OGFR: variants seen among roughly 807,000 people sequenced by gnomAD.
OGFR encodes the protein opioid growth factor receptor.
OGFR carries 18 observed loss-of-function variants against 33.6 expected under a neutral mutation model. The observed-to-expected ratio is 0.54, with a 90% CI of 0.37 to 0.80. The LOEUF is 0.80. Ranked by LOEUF, OGFR falls within the 30% of genes least tolerant of loss-of-function variation. The pLI is 0.00. For synonymous variants in OGFR, 370 were observed against 400.7 expected (o/e 0.92, Z 0.91); for missense variants, 877 against 955.8 (o/e 0.92, Z 1.09).
rs1363490724 is a variant in OGFR at position 62,813,315 on chromosome 20, C to G, written c.1700C>G (p.Ala567Gly). The change falls in exon 7 of 7, where the codon GCA becomes GGA. Residue 567 changes from alanine (A) to glycine (G), a missense_variant. Around this residue, in one of 3 missense-constraint regions of OGFR, gnomAD observed 72 missense variants for 181.8 expected, o/e 0.40. Transcript: ENST00000290291. ...TCGGAGACCCCAGGCCCCCGCCCGGCAGGACCTGCAGGGGACGAGCCAGCC... is the reference window on the plus strand; with the variant it reads ...TCGGAGACCCCAGGCCCCCGCCCGGGAGGACCTGCAGGGGACGAGCCAGCC... ...SPSETPGPRPAGPAGDEPAES... is the reference protein window; with the variant it reads ...SPSETPGPRPGGPAGDEPAES... 9 of 1,095,480 alleles carry G rather than the reference C, an allele frequency of 8.2e-6. No individual in the cohort carries two copies. The highest frequency in any genetic ancestry group is 1.2e-5 in the Non-Finnish European group (9 of 778,852). The allele number at this position is 1,095,480 out of a possible 1,614,324, so 67.9% of individuals were successfully genotyped here.
rs773569060 is a variant in OGFR at position 62,812,125 on chromosome 20, G to T, written c.615-105G>T. 4.1e-6 allele frequency: 4 copies of T among 965,870 alleles called. No individual in the cohort carries two copies. In the South Asian group the frequency reaches 7.0e-5, roughly 17 times the overall value. The allele number at this position is 965,870 out of a possible 1,614,324, so 59.8% of individuals were successfully genotyped here. A position where few individuals can be genotyped will look rare whatever the true frequency, so the allele number is the denominator to read the frequency against. ...GAGAGAGACTGAATCGTGGGCCAGG[G>T]TGGGGAGACCTCGTGGAGCCGGGTG... On this transcript the variant is annotated intron_variant, in intron 6 of 6. Transcript: ENST00000290291.
rs766673580 is a variant in OGFR, at chr20:62,811,462, G to T, written c.466G>T (p.Val156Leu). The T allele has an allele frequency of 6.2e-7, 1 of 1,611,072 alleles. No individual in the cohort carries two copies. The highest frequency in any genetic ancestry group is 8.5e-7 in the Non-Finnish European group (1 of 1,179,342). Residue 156 changes from valine to leucine, a missense_variant and splice_region_variant, in exon 6 of 7, where the codon GTG becomes TTG. Physicochemically the swap from Val to Leu is conservative, Grantham distance 32. Coordinates refer to ENST00000290291, the MANE Select transcript of OGFR (RefSeq NM_007346.4). ...AKPLTLREVE[V>L]FKSSQEIQER... ...AGCTCTCCAAGGGGGTCTTTTCCAGGTGTTTAAAAGCTCCCAGGAGATCCA... is the reference window on the plus strand; with the variant it reads ...AGCTCTCCAAGGGGGTCTTTTCCAGTTGTTTAAAAGCTCCCAGGAGATCCA...
chr20:62,809,926 G>A (rs924177080), intron 4 of OGFR, among the ~76,000 whole-genome samples: 2 of 152,248 alleles, frequency 1.3e-5, no homozygotes, highest in Non-Finnish European at 2.9e-5. Flanking sequence ...TGAAACAGGA[G>A]AGGGGGCAGG....
chr20:62,811,474 T>G lies in OGFR; in HGVS notation c.478T>G (p.Ser160Ala). 1.2e-6 allele frequency: 2 copies of G among 1,611,466 alleles called. No individual in the cohort carries two copies. The highest frequency in any genetic ancestry group is 1.7e-6 in the Non-Finnish European group (2 of 1,179,506). ...TLREVEVFKSSQEIQERLVRA... is the reference protein window; with the variant it reads ...TLREVEVFKSAQEIQERLVRA... Reference sequence around the variant, plus strand: ...GGGTCTTTTCCAGGTGTTTAAAAGCTCCCAGGAGATCCAGGAGCGGCTTGT... The same window carrying G: ...GGGTCTTTTCCAGGTGTTTAAAAGCGCCCAGGAGATCCAGGAGCGGCTTGT... The change falls in exon 6 of 7, where the codon TCC becomes GCC. Residue 160 changes from serine to alanine, a missense_variant. Ser to Ala is a moderately conservative substitution (Grantham distance 99). Coordinates refer to ENST00000290291, the MANE Select transcript of OGFR (RefSeq NM_007346.4).
Position 62,804,913 on chromosome 20 carries a change from G to A in OGFR, c.54G>A (p.Glu18=). 1.3e-6 allele frequency: 2 copies of A among 1,496,536 alleles called. No homozygotes were observed. The highest frequency in any genetic ancestry group is 2.5e-5 in the South Asian group (2 of 79,378). 92.7% of individuals were successfully genotyped at this position (1,496,536 alleles called of 1,614,324 possible). The change falls in exon 1 of 7, where the codon GAG becomes GAA. Residue 18 remains glutamate (E), a synonymous_variant. Coordinates refer to ENST00000290291, the MANE Select transcript of OGFR (RefSeq NM_007346.4). ...GGGAGGAGGACGAGGAGGATGCGGA[G>A]GACGCGGAGGACGAGGACTGCGAGG... is the stretch of plus-strand genomic sequence containing the variant. ...STWEEDEEDA[E]DAEDEDCEDG... is the part of the protein sequence containing the mutation.
At position 62,813,065 on chromosome 20, in the gene OGFR, TC is replaced by T; in HGVS notation, c.1454del (p.Pro485LeufsTer229). 1 of 1,582,022 alleles carries T rather than the reference TC, an allele frequency of 6.3e-7. No homozygotes were observed. Among genetic ancestry groups the T allele is most frequent in the Non-Finnish European group, 8.6e-7 (1 of 1,164,110 alleles). ...GGAQTLALAG[S>X]PAPSGHPKAG... ...TGCCCAGACCTTGGCCCTTGCCGGG[TC>T]CCCTGCCCCATCGGGGCACCCCAAG... On this transcript the variant is annotated frameshift_variant, in exon 7 of 7. Coordinates refer to ENST00000290291, the MANE Select transcript of OGFR (RefSeq NM_007346.4). LOFTEE classifies it low-confidence loss of function (END_TRUNC).
chr20:62,807,575 G>A lies in OGFR; in HGVS notation c.210G>A (p.Arg70=), dbSNP rs764284409. The change falls in exon 2 of 7, where the codon AGG becomes AGA. Residue 70 remains arginine (R), a synonymous_variant. Transcript: ENST00000290291. ...MTGSRNWRAT[R]DMCRYRHNYP... is the part of the protein sequence containing the mutation. ...GGTCCAGAAACTGGCGAGCCACGAGGGACATGTGTAGGTATCGGCACAACT... is the reference window on the plus strand; with the variant it reads ...GGTCCAGAAACTGGCGAGCCACGAGAGACATGTGTAGGTATCGGCACAACT... 8 of 1,613,160 alleles carry A rather than the reference G, an allele frequency of 5.0e-6. No homozygotes were observed. The highest frequency in any genetic ancestry group is 6.8e-6 in the Non-Finnish European group (8 of 1,179,872).
Position 62,811,626 on chromosome 20 carries a change from T to TGGCGGGC in OGFR, c.614+16_614+17insGGCGGGC. The TGGCGGGC allele has an allele frequency of 6.7e-7, 1 of 1,502,538 alleles. No homozygotes were observed. The highest frequency in any genetic ancestry group is 1.7e-4 in the Middle Eastern group (1 of 5,718). The allele number at this position is 1,502,538 out of a possible 1,614,324, so 93.1% of individuals were successfully genotyped here. On this transcript the variant is annotated intron_variant, in intron 6 of 6. Coordinates refer to ENST00000290291, the MANE Select transcript of OGFR (RefSeq NM_007346.4). ...ACCTGAACTGGTGAGGCCCGGCTGCTCCCGCCCACCCCCACCCCGGCGCAG... is the reference window on the plus strand; with the variant it reads ...ACCTGAACTGGTGAGGCCCGGCTGCTGGCGGGCCCCGCCCACCCCCACCCCGGCGCAG...
rs911979766 is a variant in OGFR, at chr20:62,812,573, G to A, written c.958G>A (p.Asp320Asn). Residue 320 changes from aspartate to asparagine, a missense_variant, in exon 7 of 7, where the codon GAC becomes AAC. Physicochemically the swap from Asp to Asn is conservative, Grantham distance 23. Coordinates refer to ENST00000290291, the MANE Select transcript of OGFR (RefSeq NM_007346.4). The part of the protein sequence containing the change: ...VEEEGSPGDP[D>N]HEASTQGRTC... ...GGAGGAAGGAAGCCCCGGGGACCCC[G>A]ACCACGAGGCCAGCACCCAGGGTCG... 1.7e-5 allele frequency: 27 copies of A among 1,577,474 alleles called. No individual in the cohort carries two copies. Among genetic ancestry groups the A allele is most frequent in the South Asian group, 4.6e-5 (4 of 86,902 alleles).
intron 4 of OGFR, among the ~76,000 whole-genome samples, chr20:62,809,983 G>A (rs942688406): frequency 4.6e-5 from 7 of 152,356 alleles, no homozygotes; most frequent in African/African-American, 1.7e-4. Context: ...GCCTCAGTGA[G>A]CCTCAAGGGG....
rs1009595386 is a variant in OGFR, at chr20:62,813,056, C to T, written c.1441C>T (p.Leu481Phe). 1.3e-6 allele frequency: 2 copies of T among 1,584,060 alleles called. No individual in the cohort carries two copies. ...CAGTGGTGGTGCCCAGACCTTGGCC[C>T]TTGCCGGGTCCCCTGCCCCATCGGG... ...VASGGAQTLALAGSPAPSGHP... is the reference protein window; with the variant it reads ...VASGGAQTLAFAGSPAPSGHP... Residue 481 changes from leucine to phenylalanine, a missense_variant, in exon 7 of 7, where the codon CTT (leucine) becomes TTT (phenylalanine). Around this residue, in one of 3 missense-constraint regions of OGFR, gnomAD observed 760 missense variants for 736.0 expected, o/e 1.03. Coordinates refer to ENST00000290291, the MANE Select transcript of OGFR (RefSeq NM_007346.4).
chr20:62,810,236 AG>A (rs1381898508), intron 4 of OGFR, among the ~76,000 whole-genome samples: 2 of 152,312 alleles, frequency 1.3e-5, no homozygotes, highest in African/African-American at 4.8e-5. Context: ...GGATGGCTGC[AG>A]GGCCCCTCGC....
At chr20:62,809,521 C>T (rs954124978) in intron 3 of OGFR, 64 bp from the exon 4 acceptor site, 8 of 1,261,778 alleles carry the variant, frequency 6.3e-6, no homozygotes, top group Admixed American at 3.4e-5. Context: ...CCCACCCACA[C>T]CCCGTCCTCC....
At chr20:62,807,393 G>A (rs1385351669) in intron 1 of OGFR, 144 bp from the exon 2 acceptor site, 2 of 699,248 alleles carry the variant, frequency 2.9e-6, no homozygotes, top group African/African-American at 3.6e-5. Flanking sequence ...GCCAGGGCAG[G>A]AGAATGAGAG....
rs1395207694 is a variant in OGFR at position 62,813,184 on chromosome 20, C to T, written c.1569C>T (p.Gly523=). ...GTPGSPSETP[G]PSPAGPAGDE... ...CTGGGAGCCCATCGGAGACCCCAGG[C>T]CCCAGCCCAGCAGGACCTGCAGGGG... Residue 523 remains glycine (G), a synonymous_variant, in exon 7 of 7, where the codon GGC becomes GGT. Transcript: ENST00000290291. The T allele has an allele frequency of 1.3e-6, 2 of 1,529,438 alleles. No homozygotes were observed. The highest frequency in any genetic ancestry group is 1.4e-5 in the African/African-American group (1 of 73,410). 94.7% of individuals were successfully genotyped at this position (1,529,438 alleles called of 1,614,324 possible).
intron 2 of OGFR, chr20:62,807,999 C>G (rs1350896298): frequency 4.9e-6 from 3 of 608,046 alleles, no homozygotes; most frequent in Non-Finnish European, 8.8e-6. Context: ...GTGCTGCCTT[C>G]AGGGTGCTGA....
chr20:62,810,390 C>G (rs1023950019), intron 4 of OGFR, 109 bp from the exon 5 acceptor site: 1 of 1,067,690 alleles, frequency 9.4e-7, no homozygotes, highest in Non-Finnish European at 1.4e-6. Flanking sequence ...AGAGTTGAGC[C>G]TGGGAACCCA....
At position 62,813,842 on chromosome 20, in the gene OGFR, A is replaced by C. The variant is rs902309638; in HGVS notation, c.*193A>C. ...GCCCTCAGGGAAGCCCAAGGCCTGC[A>C]GAAGCCTCCTGGCCTGGCTGTGTCT... On this transcript the variant is annotated 3_prime_UTR_variant, in exon 7 of 7. Coordinates refer to ENST00000290291, the MANE Select transcript of OGFR (RefSeq NM_007346.4). 1.6e-6 allele frequency: 1 copy of C among 640,970 alleles called. No homozygotes were observed. The highest frequency in any genetic ancestry group is 1.8e-5 in the African/African-American group (1 of 54,512). 39.7% of individuals were successfully genotyped at this position (640,970 alleles called of 1,614,324 possible).
intron 1 of OGFR, chr20:62,807,264 G>A: frequency 1.9e-6 from 1 of 517,716 alleles, no homozygotes; most frequent in Non-Finnish European, 3.5e-6. Flanking sequence ...GAGTCCCAAA[G>A]GGGCCTAGAG....
Sources: allele counts gnomAD v4.1 joint callset (sites outside exome capture counted in the v4.1 genomes callset), GRCh38; gene constraint gnomAD v4.1.1; regional missense constraint gnomAD v4.1.1; transcripts MANE v1.5; gene names NCBI Gene and HGNC (gene_info 2026-07-23, HGNC 2026-07-21).